The following CCSER1 variants were observed in gnomAD, a reference collection of about 807,000 sequenced individuals.
CCSER1 encodes coiled-coil serine rich protein 1, also known as serine-rich coiled-coil domain-containing protein 1.
In CCSER1, 41 loss-of-function variants were observed where a neutral mutation model predicts 82.0. The observed-to-expected ratio is 0.50, with a 90% CI of 0.39 to 0.65. CCSER1 has a LOEUF of 0.65. Ranked by LOEUF, CCSER1 falls within the 30% of genes least tolerant of loss-of-function variation. The pLI is 0.00. For missense variants in CCSER1, 1,119 were observed against 1,064.2 expected, an observed-to-expected ratio of 1.05 and a Z score of -0.72; for synonymous variants, 414 against 383.9, an observed-to-expected ratio of 1.08 and a Z score of -0.92.
chr4:90,186,855 G>A lies in CCSER1; in HGVS notation c.-42+59024G>A, dbSNP rs190773994. On this transcript the variant is annotated intron_variant, in intron 1 of 10. Transcript: ENST00000509176. ...GATTTCCTGGTTTTTCCCCCCCATG[G>A]TGTAGTGTAACCAAGGCCTCTTTTG... Among the ~76,000 whole-genome samples, 92 of 151,804 alleles carry A rather than the reference G, an allele frequency of 6.1e-4. 1 individual carries two copies. Among genetic ancestry groups the A allele is most frequent in the African/African-American group, 1.5e-3 (64 of 41,406 alleles).
chr4:90,514,760 TAAAA>T lies in CCSER1; in HGVS notation c.1724+46412_1724+46415del, dbSNP rs941447840. ...GACAGAGGAGACGCCGTTGCAAAAA[TAAAA>T]AAAAAGAAAATATTTTAAACCTTTA... is the stretch of plus-strand genomic sequence containing the variant. On this transcript the variant is annotated intron_variant, in intron 5 of 10. Coordinates refer to ENST00000509176, the MANE Select transcript of CCSER1 (RefSeq NM_001145065.2). Among the ~76,000 whole-genome samples the T allele has an allele frequency of 3.4e-5, 5 of 148,704 alleles. 1 individual carries two copies. The East Asian group carries it at 9.8e-4, about 29-fold the overall frequency.
In CCSER1 at chr4:90,726,754, C is replaced by T. The variant is rs1460448058; in HGVS notation, c.2010+2763C>T. ...GAGTGGTTTGATTGGTGTAGCTAGC[C>T]TTTCAAAACTGAGGACATTTCACAC... On this transcript the variant is annotated intron_variant, in intron 7 of 10. Coordinates refer to ENST00000509176, the MANE Select transcript of CCSER1 (RefSeq NM_001145065.2). 2.0e-5 allele frequency among the ~76,000 whole-genome samples: 3 copies of T among 152,144 alleles called. No homozygotes were observed. The East Asian group carries it at 5.8e-4, about 29-fold the overall frequency.
intron 9 of CCSER1, among the ~76,000 whole-genome samples, chr4:91,023,072 T>G (rs555551513): frequency 4.6e-5 from 7 of 152,188 alleles, no homozygotes; most frequent in East Asian, 3.9e-4. Flanking sequence ...TCAAAGAGAA[T>G]AAAATACCTA....
intron 10 of CCSER1, among the ~76,000 whole-genome samples, chr4:91,294,560 G>C (rs1237437594): frequency 2.0e-5 from 3 of 151,704 alleles, no homozygotes; most frequent in African/African-American, 4.8e-5. Flanking sequence ...ATGGCAACAG[G>C]GTTTGTTCCT....
chr4:90,959,942 T>A (rs1451154536), intron 9 of CCSER1, among the ~76,000 whole-genome samples: 1 of 152,112 alleles, frequency 6.6e-6, no homozygotes, highest in African/African-American at 2.4e-5. Context: ...AATACCCAAA[T>A]CCAGAATTTT....
intron 4 of CCSER1, among the ~76,000 whole-genome samples, chr4:90,451,590 C>G (rs1008872303): frequency 1.3e-5 from 2 of 152,188 alleles, no homozygotes; most frequent in African/African-American, 2.4e-5. Flanking sequence ...CAGCTGGAAG[C>G]TGGTAGATGA....
chr4:91,036,556 T>C (rs1032191835), intron 9 of CCSER1, among the ~76,000 whole-genome samples: 1 of 152,110 alleles, frequency 6.6e-6, no homozygotes, highest in Non-Finnish European at 1.5e-5. Context: ...GAAACCACGA[T>C]CCTAAATTTG....
chr4:90,826,261 G>A (rs1760429952), intron 8 of CCSER1, among the ~76,000 whole-genome samples: 1 of 152,104 alleles, frequency 6.6e-6, no homozygotes, highest in African/African-American at 2.4e-5. Flanking sequence ...TCAGTCTTTT[G>A]GACTCTAGTA....
rs187779588 is a variant in CCSER1, at chr4:91,232,169, T to C, written c.2217+146175T>C. On this transcript the variant is annotated intron_variant, in intron 10 of 10. Transcript: ENST00000509176. ...TTATACAGAGGGCAAGTAAATAATA[T>C]TTTTCAAAATTAAAAATGCCCCTGC... Among the ~76,000 whole-genome samples, 11 of 151,952 alleles carry C rather than the reference T, an allele frequency of 7.2e-5. 1 individual carries two copies. The East Asian group carries it at 1.5e-3, about 21-fold the overall frequency.
At chr4:91,163,612 C>T (rs569922757) in intron 10 of CCSER1, among the ~76,000 whole-genome samples, 60 of 152,208 alleles carry the variant, frequency 3.9e-4, no homozygotes, top group African/African-American at 1.2e-3. Flanking sequence ...AATCTAGATG[C>T]TTCTGTGTTG....
intron 3 of CCSER1, among the ~76,000 whole-genome samples, chr4:90,368,958 A>C (rs796516579): frequency 5.3e-5 from 8 of 152,138 alleles, no homozygotes; most frequent in African/African-American, 1.9e-4. Flanking sequence ...TAATCAATAA[A>C]ATAAAAATTA....
At chr4:90,736,067 G>A (rs1745592877) in intron 7 of CCSER1, among the ~76,000 whole-genome samples, 1 of 152,114 alleles carries the variant, frequency 6.6e-6, no homozygotes, top group Admixed American at 6.5e-5. Context: ...GGTCAAAGAA[G>A]ATAATTGATA....
chr4:90,249,383 C>T lies in CCSER1; in HGVS notation c.-41-58861C>T, dbSNP rs11930264. Among the ~76,000 whole-genome samples the T allele has an allele frequency of 7.1e-3, 1,085 of 152,236 alleles. 11 individuals carry two copies. Among genetic ancestry groups the T allele is most frequent in the African/African-American group, 0.025 (1,050 of 41,542 alleles). On this transcript the variant is annotated intron_variant, in intron 1 of 10. Transcript: ENST00000509176. Reference sequence around the variant, plus strand: ...AAACAAGTCAACCATTTAAAGTATACAGTTCAATGATTTTTTAGTATATTC... The same window carrying T: ...AAACAAGTCAACCATTTAAAGTATATAGTTCAATGATTTTTTAGTATATTC...
At chr4:90,589,397 C>T (rs539738386) in intron 5 of CCSER1, among the ~76,000 whole-genome samples, 24 of 150,682 alleles carry the variant, frequency 1.6e-4, no homozygotes, top group African/African-American at 5.6e-4. Context: ...GTTTCATGTA[C>T]CAGAGATGGG....
rs115054721 is a variant in CCSER1 at position 90,274,842 on chromosome 4, A to G, written c.-41-33402A>G. On this transcript the variant is annotated intron_variant, in intron 1 of 10. Transcript: ENST00000509176. ...TAAATGGATACATTAAACATATCAA[A>G]AGGAAAAGATCAAATTAGAAATAGT... Among the ~76,000 whole-genome samples, 326 of 152,286 alleles carry G rather than the reference A, an allele frequency of 2.1e-3. 2 individuals carry two copies. Among genetic ancestry groups the G allele is most frequent in the African/African-American group, 7.3e-3 (304 of 41,582 alleles).
At chr4:90,602,212 C>T (rs1659959400) in intron 5 of CCSER1, among the ~76,000 whole-genome samples, 1 of 152,094 alleles carries the variant, frequency 6.6e-6, no homozygotes, top group Admixed American at 6.6e-5. Context: ...CTGCAAAGCA[C>T]ATTTAAGATT....
chr4:90,791,889 A>G (rs1755309633), intron 7 of CCSER1, among the ~76,000 whole-genome samples: 1 of 152,130 alleles, frequency 6.6e-6, no homozygotes, highest in Non-Finnish European at 1.5e-5. Flanking sequence ...AATAGGCTAA[A>G]GTATAGGCTA....
At chr4:90,157,334 A>G (rs1374584042) in intron 1 of CCSER1, among the ~76,000 whole-genome samples, 2 of 152,098 alleles carry the variant, frequency 1.3e-5, no homozygotes, top group Non-Finnish European at 2.9e-5. Flanking sequence ...ACTTTGGTGA[A>G]TCTGACAATT....
intron 10 of CCSER1, among the ~76,000 whole-genome samples, chr4:91,236,700 G>A (rs1351048658): frequency 6.6e-6 from 1 of 152,076 alleles, no homozygotes; most frequent in Non-Finnish European, 1.5e-5. Context: ...AAGAAACAAA[G>A]CATAGACAAA....
Sources: gnomAD v4.1 joint callset for allele counts (sites outside exome capture counted in the v4.1 genomes callset) on GRCh38, gnomAD v4.1.1 for gene constraint, MANE v1.5 for transcripts, NCBI Gene and HGNC (gene_info 2026-07-23, HGNC 2026-07-21) for gene names.